CEP63: variants seen among roughly 807,000 people sequenced by gnomAD.
The protein encoded by CEP63 is centrosomal protein of 63 kDa.
A neutral mutation model predicts 89.1 loss-of-function variants in CEP63; 84 were observed. That is an observed-to-expected ratio of 0.94 (90% confidence interval 0.79 to 1.13). The LOEUF (loss-of-function observed/expected upper bound fraction) is 1.13. CEP63 is among the 50% of genes most tolerant of loss of function. The pLI, the probability that CEP63 is intolerant of heterozygous loss-of-function variation, is 0.00. For synonymous variants in CEP63, 267 were observed against 272.5 expected, an observed-to-expected ratio of 0.98 and a Z score of 0.20; for missense variants, 838 against 813.3, an observed-to-expected ratio of 1.03 and a Z score of -0.37.
At chr3:134,739,154 A>T in the CEP63 span, among the ~76,000 whole-genome samples, 1 of 152,192 alleles carries the variant, frequency 6.6e-6, no homozygotes, top group Non-Finnish European at 1.5e-5. Context: ...ACCCTAAATA[A>T]TTTAAAACAG....
chr3:134,485,991 G>GCCCCCCCC (rs5852785), upstream of CEP63: 347 of 940,194 alleles, frequency 3.7e-4, 5 homozygotes, highest in African/African-American at 3.0e-3. Context: ...CTCCTGCCAC[G>GCCCCCCCC]CCCCCCCCCC....
At chr3:134,528,247 C>A (rs1949072563) in intron 3 of CEP63, among the ~76,000 whole-genome samples, 1 of 152,094 alleles carries the variant, frequency 6.6e-6, no homozygotes, top group Admixed American at 6.6e-5. Context: ...CTTCAGTGAC[C>A]CCCTCTGAAG....
the CEP63 span, among the ~76,000 whole-genome samples, chr3:134,641,782 C>T: frequency 2.0e-3 from 306 of 152,294 alleles, no homozygotes; most frequent in Middle Eastern, 6.8e-3. Flanking sequence ...CCCCTTATAC[C>T]TTATCTGGCT....
the CEP63 span, among the ~76,000 whole-genome samples, chr3:134,705,594 C>G: frequency 1.3e-5 from 2 of 152,204 alleles, no homozygotes; most frequent in African/African-American, 4.8e-5. Flanking sequence ...TGTGCAGGGT[C>G]TCAATACAGC....
the CEP63 span, among the ~76,000 whole-genome samples, chr3:134,698,358 T>C: frequency 1.4e-4 from 22 of 152,218 alleles, no homozygotes; most frequent in South Asian, 1.5e-3. Flanking sequence ...CAGAGACCAA[T>C]AAATGGGATC....
chr3:134,705,890 C>G, the CEP63 span, among the ~76,000 whole-genome samples: 2 of 152,162 alleles, frequency 1.3e-5, no homozygotes, highest in Non-Finnish European at 2.9e-5. Context: ...TGATTCAGGA[C>G]CTTACATAAC....
chr3:134,542,744 T>C (rs898689765), intron 6 of CEP63, among the ~76,000 whole-genome samples: 6 of 152,184 alleles, frequency 3.9e-5, no homozygotes, highest in East Asian at 1.9e-4. Context: ...TTTCACACTT[T>C]AGCTGGCCAC....
At chr3:134,604,022 G>A in the CEP63 span, 19 of 1,614,028 alleles carry the variant, frequency 1.2e-5, no homozygotes, top group African/African-American at 2.5e-4. Flanking sequence ...TCCCGGTGCA[G>A]CTGGAAGATG....
In CEP63 at chr3:134,564,338, T is replaced by C. The variant is rs1176552889; in HGVS notation, c.*2803T>C. ...TGTCTCCTCTTCCCACACCCTGTCA[T>C]GTGCTCCTAAAACTCCCCCTTTACT... On this transcript the variant is annotated 3_prime_UTR_variant, in exon 15 of 15. Coordinates refer to ENST00000675561, the MANE Select transcript of CEP63 (RefSeq NM_001353108.3). 6 of 985,386 alleles carry C rather than the reference T, an allele frequency of 6.1e-6. No homozygotes were observed. The highest frequency in any genetic ancestry group is 4.8e-6 in the Non-Finnish European group (4 of 829,998). The allele number at this position is 985,386 out of a possible 1,614,324, so 61.0% of individuals were successfully genotyped here.
the CEP63 span, among the ~76,000 whole-genome samples, chr3:134,680,838 A>G: frequency 6.6e-6 from 1 of 152,214 alleles, no homozygotes; most frequent in Non-Finnish European, 1.5e-5. Context: ...CAAGGACTTC[A>G]ACGAGGGCCT....
At chr3:134,676,991 T>A in the CEP63 span, among the ~76,000 whole-genome samples, 3 of 152,204 alleles carry the variant, frequency 2.0e-5, no homozygotes, top group Non-Finnish European at 4.4e-5. Context: ...ATCCCAGCAC[T>A]TTGGGAGGCC....
At chr3:134,639,949 CAAAAAAAAA>C in the CEP63 span, 13 of 49,708 alleles carry the variant, frequency 2.6e-4, no homozygotes, top group South Asian at 1.1e-3. Context: ...CACCCTGTCT[CAAAAAAAAA>C]AAAAAAAAAA....
chr3:134,527,318 CTG>C (rs900155018), intron 3 of CEP63, among the ~76,000 whole-genome samples: 6 of 152,132 alleles, frequency 3.9e-5, no homozygotes, highest in African/African-American at 1.2e-4. Context: ...TGTGCCTTCT[CTG>C]TGTACTGCAA....
the CEP63 span, among the ~76,000 whole-genome samples, chr3:134,721,122 T>C: frequency 6.6e-6 from 1 of 152,136 alleles, no homozygotes; most frequent in African/African-American, 2.4e-5. Context: ...TTTCCACTTA[T>C]TTAGCTCTTC....
chr3:134,638,776 A>G, the CEP63 span, among the ~76,000 whole-genome samples: 4 of 152,226 alleles, frequency 2.6e-5, no homozygotes, highest in Non-Finnish European at 5.9e-5. Flanking sequence ...TCAGGTTTCA[A>G]TCAGGATTTA....
At chr3:134,576,401 A>G (rs1426305323), downstream of CEP63, among the ~76,000 whole-genome samples, 3 of 152,216 alleles carry the variant, frequency 2.0e-5, no homozygotes, top group African/African-American at 4.8e-5. Flanking sequence ...GAAGACACAG[A>G]TGCCAGCTCC....
At chr3:134,602,830 C>T in the CEP63 span, among the ~76,000 whole-genome samples, 2 of 152,230 alleles carry the variant, frequency 1.3e-5, no homozygotes, top group Admixed American at 1.3e-4. Context: ...GACAGTGTCC[C>T]TCCCACCTGC....
intron 3 of CEP63, among the ~76,000 whole-genome samples, chr3:134,509,763 A>C (rs1325536363): frequency 6.6e-6 from 1 of 152,222 alleles, no homozygotes; most frequent in Non-Finnish European, 1.5e-5. Flanking sequence ...GATACATTAA[A>C]TATGTGCAGC....
chr3:134,677,020 A>T, the CEP63 span, among the ~76,000 whole-genome samples: 1 of 152,120 alleles, frequency 6.6e-6, no homozygotes, highest in Admixed American at 6.5e-5. Context: ...TGGTTCACGA[A>T]GTCAGGAGTT....
Sources: allele counts gnomAD v4.1 joint callset (sites outside exome capture counted in the v4.1 genomes callset), GRCh38; gene constraint gnomAD v4.1.1; transcripts MANE v1.5; gene names NCBI Gene and HGNC (gene_info 2026-07-23, HGNC 2026-07-21).